Variants in ARB2A observed in about 807,000 individuals in gnomAD.
ARB2A encodes ARB2 cotranscriptional regulator A.
At chr5:93,983,173 GTGTGTGTGTGT>G in the ARB2A span, among the ~76,000 whole-genome samples, 23 of 704 alleles carry the variant, frequency 0.033, no homozygotes, top group South Asian at 0.083. Flanking sequence ...GTGGAGAGGT[GTGTGTGTGTGT>G]GTGTGTGTGT....
chr5:93,619,761 G>A, the ARB2A span: 1 of 152,134 alleles, frequency 6.6e-6, no homozygotes, highest in Non-Finnish European at 1.5e-5. Flanking sequence ...CCACATCTTA[G>A]CTGGATTAAA....
chr5:94,097,590 T>C, the ARB2A span, among the ~76,000 whole-genome samples: 1 of 152,174 alleles, frequency 6.6e-6, no homozygotes, highest in Non-Finnish European at 1.5e-5. Flanking sequence ...CTGCCACCCA[T>C]GTAAGACATG....
the ARB2A span, among the ~76,000 whole-genome samples, chr5:93,801,802 T>C: frequency 1.3e-5 from 2 of 152,062 alleles, no homozygotes; most frequent in Non-Finnish European, 2.9e-5. Flanking sequence ...AATCACTCAC[T>C]GTGAAGACAT....
chr5:93,666,478 C>G, the ARB2A span, among the ~76,000 whole-genome samples: 116 of 149,236 alleles, frequency 7.8e-4, no homozygotes, highest in African/African-American at 2.7e-3. Context: ...ATAAATTAAT[C>G]AAAGGATCAA....
chr5:94,081,541 T>C, the ARB2A span, among the ~76,000 whole-genome samples: 1 of 152,138 alleles, frequency 6.6e-6, no homozygotes, highest in Non-Finnish European at 1.5e-5. Context: ...TGCTATGACA[T>C]AAATGAAAAT....
chr5:94,066,128 A>C, the ARB2A span, among the ~76,000 whole-genome samples: 1 of 152,174 alleles, frequency 6.6e-6, no homozygotes, highest in African/African-American at 2.4e-5. Flanking sequence ...ATGAAAAAAT[A>C]AAGACTGCCT....
the ARB2A span, chr5:93,862,455 G>A: frequency 6.6e-6 from 1 of 152,112 alleles, no homozygotes; most frequent in South Asian, 2.1e-4. Context: ...TTTTATTCAA[G>A]CCCTGAAAAC....
the ARB2A span, among the ~76,000 whole-genome samples, chr5:93,707,874 C>A: frequency 6.6e-6 from 1 of 152,116 alleles, no homozygotes; most frequent in Non-Finnish European, 1.5e-5. Context: ...CGCGCTCGAC[C>A]AGTATTTTCT....
the ARB2A span, among the ~76,000 whole-genome samples, chr5:94,089,062 G>GTT: frequency 6.6e-6 from 1 of 152,180 alleles, no homozygotes; most frequent in Non-Finnish European, 1.5e-5. Flanking sequence ...GGAAAATGCT[G>GTT]TAACAGCAGC....
chr5:93,641,158 C>T, the ARB2A span, among the ~76,000 whole-genome samples: 1 of 151,148 alleles, frequency 6.6e-6, no homozygotes, highest in Non-Finnish European at 1.5e-5. Flanking sequence ...CTAGATCGCA[C>T]CACTGCACTC....
the ARB2A span, among the ~76,000 whole-genome samples, chr5:93,774,429 G>A: frequency 6.6e-6 from 1 of 152,196 alleles, no homozygotes; most frequent in Non-Finnish European, 1.5e-5. Flanking sequence ...TAGCCAAGTA[G>A]TGAATGCAAA....
chr5:94,034,130 C>T, the ARB2A span, among the ~76,000 whole-genome samples: 5 of 152,132 alleles, frequency 3.3e-5, no homozygotes, highest in African/African-American at 4.8e-5. Flanking sequence ...AATTATCAGC[C>T]GAATAAACAA....
chr5:93,934,379 T>C, the ARB2A span, among the ~76,000 whole-genome samples: 1 of 152,200 alleles, frequency 6.6e-6, no homozygotes, highest in African/African-American at 2.4e-5. Flanking sequence ...AAAACATTAC[T>C]AACACAGGTA....
the ARB2A span, among the ~76,000 whole-genome samples, chr5:93,711,716 C>T: frequency 2.0e-5 from 3 of 152,228 alleles, no homozygotes; most frequent in African/African-American, 4.8e-5. Context: ...CAATCTGTGG[C>T]GAGCAGCTCG....
the ARB2A span, among the ~76,000 whole-genome samples, chr5:93,987,791 C>T: frequency 6.6e-6 from 1 of 152,136 alleles, no homozygotes; most frequent in African/African-American, 2.4e-5. Context: ...TTCCCAATAA[C>T]CAGATTCTTA....
chr5:93,900,528 C>T, the ARB2A span, among the ~76,000 whole-genome samples: 10 of 150,978 alleles, frequency 6.6e-5, no homozygotes, highest in Non-Finnish European at 1.5e-4. Context: ...TAAAGAGAAT[C>T]GCTTGAACCC....
chr5:93,914,469 T>C, the ARB2A span, among the ~76,000 whole-genome samples: 1 of 152,056 alleles, frequency 6.6e-6, no homozygotes, highest in Admixed American at 6.6e-5. Flanking sequence ...ATAAATTGTT[T>C]TTGTGAGTGC....
the ARB2A span, among the ~76,000 whole-genome samples, chr5:94,062,179 T>C: frequency 2.0e-5 from 3 of 152,194 alleles, no homozygotes; most frequent in African/African-American, 4.8e-5. Context: ...GACAGTCTTC[T>C]TCACAAATGG....
chr5:94,089,514 A>G, the ARB2A span, among the ~76,000 whole-genome samples: 1 of 151,954 alleles, frequency 6.6e-6, no homozygotes, highest in Admixed American at 6.6e-5. Context: ...CCTGTGGCAT[A>G]GCTCTCGATG....
Sources: gnomAD v4.1 joint callset for allele counts (sites outside exome capture counted in the v4.1 genomes callset) on GRCh38, gnomAD v4.1.1 for gene constraint, MANE v1.5 for transcripts, NCBI Gene and HGNC (gene_info 2026-07-23, HGNC 2026-07-21) for gene names.